PPP1R42: variants seen among roughly 807,000 people sequenced by gnomAD.
PPP1R42 encodes the protein leucine rich repeat containing 67.
In PPP1R42, 34 loss-of-function variants were observed where a neutral mutation model predicts 31.0. The ratio of observed to expected loss-of-function variants is 1.10; its 90% CI spans 0.83 to 1.46. The LOEUF (loss-of-function observed/expected upper bound fraction) is 1.46. PPP1R42 is among the 40% of genes most tolerant of loss of function. The probability of loss-of-function intolerance (pLI) is 0.00; values close to 1 mark genes in which losing one functional copy is unlikely to be tolerated. For synonymous variants in PPP1R42, 103 were observed against 109.8 expected (o/e 0.94, Z 0.39); for missense variants, 268 against 303.0 (o/e 0.88, Z 0.86).
intron 5 of PPP1R42, among the ~76,000 whole-genome samples, chr8:67,009,758 A>G (rs1346654300): frequency 1.3e-5 from 2 of 152,224 alleles, no homozygotes; most frequent in Admixed American, 6.5e-5. Flanking sequence ...GCTAGAATAC[A>G]TATATTTATT....
At chr8:66,973,249 C>G (rs1814582728) in intron 7 of PPP1R42, among the ~76,000 whole-genome samples, 1 of 144,618 alleles carries the variant, frequency 6.9e-6, no homozygotes, top group Non-Finnish European at 1.5e-5. Flanking sequence ...AAAATTGTAG[C>G]AAAACTATTT....
chr8:67,020,083 A>G (rs999405148), intron 1 of PPP1R42, among the ~76,000 whole-genome samples: 6 of 152,190 alleles, frequency 3.9e-5, no homozygotes, highest in Admixed American at 2.0e-4. Flanking sequence ...ACATAGGACA[A>G]TGGTGCAAAA....
intron 5 of PPP1R42, among the ~76,000 whole-genome samples, chr8:67,005,120 T>G: frequency 6.6e-6 from 1 of 151,674 alleles, no homozygotes; most frequent in South Asian, 2.1e-4. Flanking sequence ...TTTTTTTTTT[T>G]TTTTTAGCAT....
intron 7 of PPP1R42, among the ~76,000 whole-genome samples, chr8:66,976,852 C>T (rs552336100): frequency 1.2e-4 from 18 of 152,176 alleles, no homozygotes; most frequent in African/African-American, 2.9e-4. Flanking sequence ...TGTGAATACT[C>T]CTGCAACAAA....
At chr8:66,986,998 T>C (rs1815038842) in intron 6 of PPP1R42, among the ~76,000 whole-genome samples, 1 of 152,178 alleles carries the variant, frequency 6.6e-6, no homozygotes, top group South Asian at 2.1e-4. Context: ...ACCCCGCCTC[T>C]ACTCTAAAGG....
chr8:66,982,082 T>A lies in PPP1R42; in HGVS notation c.769A>T (p.Ser257Cys). 6.7e-7 allele frequency: 1 copy of A among 1,496,442 alleles called. No individual in the cohort carries two copies. Among genetic ancestry groups the A allele is most frequent in the East Asian group, 2.6e-5 (1 of 39,076 alleles). 92.7% of individuals were successfully genotyped at this position (1,496,442 alleles called of 1,614,324 possible). A position where few individuals can be genotyped will look rare whatever the true frequency, so the allele number is the denominator to read the frequency against. Residue 257 changes from serine to cysteine, a missense_variant, in exon 7 of 8, where the codon AGT becomes TGT. Ser to Cys is a moderately radical substitution (Grantham distance 112). Coordinates refer to ENST00000685739, the MANE Select transcript of PPP1R42 (RefSeq NM_001364910.1). ...GAATTGCTTGCATCCTCATTTTTAC[T>A]GCTCCTTTTTTTGCTGATTTTCTTG... ...DAKKISKKRS[S>C]KNEDASNSLI...
At chr8:66,981,911 A>C (rs1243727367) in intron 7 of PPP1R42, 138 bp downstream of exon 7, 1 of 889,298 alleles carries the variant, frequency 1.1e-6, no homozygotes, top group African/African-American at 1.7e-5. Flanking sequence ...AACTAAGTAA[A>C]TAAGTTTTAA....
rs539719669 is a variant in PPP1R42, at chr8:67,008,129, T to G, written c.552+2586A>C. ...TCTCGATCTCCTGATTGAGTGTTGGTATTACAGGTGTGAGCCACCGCGCCC... is the reference window on the plus strand; with the variant it reads ...TCTCGATCTCCTGATTGAGTGTTGGGATTACAGGTGTGAGCCACCGCGCCC... On this transcript the variant is annotated intron_variant, in intron 5 of 7. Coordinates refer to ENST00000685739, the MANE Select transcript of PPP1R42 (RefSeq NM_001364910.1). 1.1e-3 allele frequency among the ~76,000 whole-genome samples: 172 copies of G among 152,008 alleles called. 1 individual carries two copies. The highest frequency in any genetic ancestry group is 1.9e-3 in the Non-Finnish European group (128 of 67,926).
chr8:66,970,933 C>G (rs1170053935), intron 7 of PPP1R42: 3 of 1,333,656 alleles, frequency 2.2e-6, no homozygotes, highest in Non-Finnish European at 3.1e-6. Flanking sequence ...GAAGATGTCT[C>G]CTCCCCACCA....
At position 66,969,202 on chromosome 8, in the gene PPP1R42, C is replaced by T. The variant is rs1165620237; in HGVS notation, c.803-4868G>A. Reference sequence around the variant, plus strand: ...AGCTCACTATTGATCTAACAATGCACGTGGCAATGTATAGAATTCATCAAC... The same window carrying T: ...AGCTCACTATTGATCTAACAATGCATGTGGCAATGTATAGAATTCATCAAC... On this transcript the variant is annotated intron_variant, in intron 7 of 7. Coordinates refer to ENST00000685739, the MANE Select transcript of PPP1R42 (RefSeq NM_001364910.1). 4.6e-5 allele frequency among the ~76,000 whole-genome samples: 7 copies of T among 152,142 alleles called. No individual in the cohort carries two copies. In the East Asian group the frequency reaches 5.8e-4, roughly 13 times the overall value.
intron 5 of PPP1R42, among the ~76,000 whole-genome samples, chr8:67,009,396 C>T (rs1815780459): frequency 6.6e-6 from 1 of 151,896 alleles, no homozygotes; most frequent in Non-Finnish European, 1.5e-5. Context: ...GGTGAAATCC[C>T]ATCTCTACTG....
At chr8:66,988,564 CA>C (rs1301877018) in intron 5 of PPP1R42, 47 bp from the exon 6 acceptor site, 1 of 1,517,374 alleles carries the variant, frequency 6.6e-7, no homozygotes, top group East Asian at 2.3e-5. Context: ...TCATATTTAC[CA>C]ATACTTCTAG....
Position 66,971,183 on chromosome 8 carries a change from A to G in PPP1R42, c.803-6849T>C, listed in dbSNP as rs1563412459. Reference sequence around the variant, plus strand: ...ATAAAAGCATTCTGCTTTGAAATTAATAACTAAATTTTTAAAAAGGGTATA... The same window carrying G: ...ATAAAAGCATTCTGCTTTGAAATTAGTAACTAAATTTTTAAAAAGGGTATA... On this transcript the variant is annotated intron_variant, in intron 7 of 7. Transcript: ENST00000685739. 2.1e-6 allele frequency: 3 copies of G among 1,404,544 alleles called. No homozygotes were observed. The East Asian group carries it at 7.7e-5, about 36-fold the overall frequency. 87.0% of individuals were successfully genotyped at this position (1,404,544 alleles called of 1,614,324 possible).
chr8:67,008,103 G>A (rs756259518), intron 5 of PPP1R42, among the ~76,000 whole-genome samples: 16 of 151,774 alleles, frequency 1.1e-4, no homozygotes, highest in Admixed American at 5.3e-4. Flanking sequence ...AGCCAGGTTC[G>A]TCTCGATCTC....
In PPP1R42 at chr8:66,982,186, GAAAAATACA is replaced by G. The variant is rs1274234032; in HGVS notation, c.671-15_671-7del. 4 of 1,337,748 alleles carry G rather than the reference GAAAAATACA, an allele frequency of 3.0e-6. No homozygotes were observed. The East Asian group carries it at 1.1e-4, about 36-fold the overall frequency. The allele number at this position is 1,337,748 out of a possible 1,614,324, so 82.9% of individuals were successfully genotyped here. ...TTCTTTTCCATCAAGAAATTCTGGA[GAAAAATACA>G]TACATTTAAAAAATACAATATATAC... On this transcript the variant is annotated splice_region_variant and splice_polypyrimidine_tract_variant and intron_variant, in intron 6 of 7. Coordinates refer to ENST00000685739, the MANE Select transcript of PPP1R42 (RefSeq NM_001364910.1).
chr8:66,981,969 T>G, intron 7 of PPP1R42, 80 bp downstream of exon 7: 1 of 1,247,308 alleles, frequency 8.0e-7, no homozygotes, highest in South Asian at 3.4e-5. Context: ...AAAACTATTT[T>G]ATTTGTTGGC....
In PPP1R42 at chr8:66,967,910, GT is replaced by G. The variant is rs201312126; in HGVS notation, c.803-3577del. Among the ~76,000 whole-genome samples the G allele has an allele frequency of 6.0e-3, 912 of 152,022 alleles. 6 individuals are homozygous for G. Among genetic ancestry groups the G allele is most frequent in the Non-Finnish European group, 9.5e-3 (648 of 67,988 alleles). On this transcript the variant is annotated intron_variant, in intron 7 of 7. Coordinates refer to ENST00000685739, the MANE Select transcript of PPP1R42 (RefSeq NM_001364910.1). ...TGTATGGTGCTACACAGTATTCTCGGTGGATTTTATATGCAATATATAAATG... is the reference window on the plus strand; with the variant it reads ...TGTATGGTGCTACACAGTATTCTCGGGGATTTTATATGCAATATATAAATG...
intron 2 of PPP1R42, 23 bp downstream of exon 2, chr8:67,017,596 G>C (rs1401513235): frequency 8.0e-7 from 1 of 1,256,514 alleles, no homozygotes; most frequent in Non-Finnish European, 1.1e-6. Flanking sequence ...ATATAAAATA[G>C]GAAATAATTT....
intron 5 of PPP1R42, among the ~76,000 whole-genome samples, chr8:67,001,354 G>A: frequency 6.9e-6 from 1 of 145,744 alleles, no homozygotes. Flanking sequence ...GTTAAGATTG[G>A]ATTTAAAAAA....
Sources: allele counts gnomAD v4.1 joint callset (sites outside exome capture counted in the v4.1 genomes callset), GRCh38; gene constraint gnomAD v4.1.1; transcripts MANE v1.5; gene names NCBI Gene and HGNC (gene_info 2026-07-23, HGNC 2026-07-21).